The following BBOX1 variants were observed in gnomAD, a reference collection of about 807,000 sequenced individuals.
The protein encoded by BBOX1 is gamma-butyrobetaine hydroxylase 1, also known as gamma-butyrobetaine dioxygenase.
In BBOX1, 35 loss-of-function variants were observed where a neutral mutation model predicts 41.6. The ratio of observed to expected loss-of-function variants is 0.84; its 90% CI spans 0.64 to 1.11. BBOX1 has a LOEUF of 1.11. Among genes scored for constraint, BBOX1 ranks in the 50% most tolerant of loss-of-function variants. The pLI is 0.00. For missense variants in BBOX1, 458 were observed against 460.6 expected, an observed-to-expected ratio of 0.99 and a Z score of 0.05; for synonymous variants, 163 against 154.7, an observed-to-expected ratio of 1.05 and a Z score of -0.40.
At chr11:27,110,774 C>CTGTA (rs1859032499) in intron 5 of BBOX1, among the ~76,000 whole-genome samples, 1 of 151,864 alleles carries the variant, frequency 6.6e-6, no homozygotes, top group South Asian at 2.1e-4. Context: ...TTGTTCCCTG[C>CTGTA]TGTATCTCTG....
chr11:27,084,268 G>A (rs1409108209), intron 4 of BBOX1, among the ~76,000 whole-genome samples: 3 of 152,114 alleles, frequency 2.0e-5, no homozygotes, highest in Non-Finnish European at 4.4e-5. Flanking sequence ...ATTACAACAC[G>A]TTCCAGAGGT....
Position 27,102,593 on chromosome 11 carries a change from C to T in BBOX1, c.533+9227C>T, listed in dbSNP as rs532025373. ...TTACTACTGCAGTTTGATTCTTCTACTTTTCAGTTTTTCAATATCTTTTTT... is the reference window on the plus strand; with the variant it reads ...TTACTACTGCAGTTTGATTCTTCTATTTTTCAGTTTTTCAATATCTTTTTT... On this transcript the variant is annotated intron_variant, in intron 5 of 8. Coordinates refer to ENST00000263182, the MANE Select transcript of BBOX1 (RefSeq NM_003986.3). 7.2e-5 allele frequency among the ~76,000 whole-genome samples: 11 copies of T among 152,056 alleles called. No homozygotes were observed. In the South Asian group the frequency reaches 2.1e-3, roughly 29 times the overall value.
intron 2 of BBOX1, among the ~76,000 whole-genome samples, chr11:27,046,917 A>AGTGTT (rs1851502262): frequency 9.5e-4 from 1 of 1,050 alleles, no homozygotes; most frequent in African/African-American, 3.3e-3. Flanking sequence ...GATGATCTGC[A>AGTGTT]ATTTTTTTTT....
chr11:27,082,957 A>G (rs1857903232), intron 4 of BBOX1, among the ~76,000 whole-genome samples: 2 of 152,070 alleles, frequency 1.3e-5, no homozygotes, highest in South Asian at 2.1e-4. Context: ...CATTCTGGTC[A>G]TAGGACTGAG....
At chr11:27,047,675 T>C (rs1287568443) in intron 2 of BBOX1, among the ~76,000 whole-genome samples, 2 of 152,202 alleles carry the variant, frequency 1.3e-5, no homozygotes, top group Non-Finnish European at 2.9e-5. Flanking sequence ...AATGGTCTTA[T>C]TCCTACAAGA....
In BBOX1 at chr11:27,117,406, G is replaced by C. The variant is rs147544348; in HGVS notation, c.639+1849G>C. Among the ~76,000 whole-genome samples, 1,306 of 151,892 alleles carry C rather than the reference G, an allele frequency of 8.6e-3. 11 individuals carry two copies. Among genetic ancestry groups the C allele is most frequent in the Non-Finnish European group, 0.012 (833 of 67,916 alleles). ...TTGTAAAATACCACATGATTTCTTT[G>C]AACTAAGTGGCAGTAAAATGACCCC... On this transcript the variant is annotated intron_variant, in intron 6 of 8. Transcript: ENST00000263182.
At chr11:27,102,269 A>G (rs149908457) in intron 5 of BBOX1, among the ~76,000 whole-genome samples, 1 of 152,112 alleles carries the variant, frequency 6.6e-6, no homozygotes, top group African/African-American at 2.4e-5. Flanking sequence ...AAGCTGTTAC[A>G]TTTGGGGAGA....
At chr11:27,105,550 GT>G (rs1858835586) in intron 5 of BBOX1, among the ~76,000 whole-genome samples, 1 of 152,078 alleles carries the variant, frequency 6.6e-6, no homozygotes, top group African/African-American at 2.4e-5. Context: ...AGAAAAAAGA[GT>G]AAAAAGAAAC....
At chr11:27,072,751 C>T (rs1857496651) in intron 4 of BBOX1, among the ~76,000 whole-genome samples, 1 of 152,096 alleles carries the variant, frequency 6.6e-6, no homozygotes, top group African/African-American at 2.4e-5. Flanking sequence ...GAACAGAGAC[C>T]TCAGAAATAA....
At chr11:27,048,749 CTTTT>C (rs35376713) in intron 2 of BBOX1, among the ~76,000 whole-genome samples, 2 of 133,002 alleles carry the variant, frequency 1.5e-5, no homozygotes, top group Non-Finnish European at 3.2e-5. Flanking sequence ...AATGGTAGTT[CTTTT>C]TTTTTTTTTT....
intron 5 of BBOX1, among the ~76,000 whole-genome samples, chr11:27,098,366 A>G (rs1223400661): frequency 6.6e-6 from 1 of 151,916 alleles, no homozygotes; most frequent in African/African-American, 2.4e-5. Context: ...TATGCTCCTC[A>G]CTCAAATGAA....
At position 27,127,434 on chromosome 11, in the gene BBOX1, G is replaced by A; in HGVS notation, c.1145G>A (p.Arg382Lys). The change falls in exon 9 of 9, where the codon AGG becomes AAG. Residue 382 changes from arginine to lysine, a missense_variant. Transcript: ENST00000263182. Reference protein sequence around the residue: ...VMSRLRILRQRVENGN With the variant: ...VMSRLRILRQKVENGN Reference sequence around the variant, plus strand: ...TCAAGGCTTCGTATCTTAAGGCAGAGGGTGGAGAATGGAAACTGAAGTCAC... The same window carrying A: ...TCAAGGCTTCGTATCTTAAGGCAGAAGGTGGAGAATGGAAACTGAAGTCAC... The A allele has an allele frequency of 6.2e-7, 1 of 1,606,834 alleles. No homozygotes were observed.
In BBOX1 at chr11:27,078,187, A is replaced by C. The variant is rs190946359; in HGVS notation, c.335-14981A>C. Among the ~76,000 whole-genome samples the C allele has an allele frequency of 6.4e-4, 98 of 152,246 alleles. No homozygotes were observed. The Middle Eastern group carries it at 0.01, about 16-fold the overall frequency. ...AGACCTTCATCAATTATTCCACCCT[A>C]TATTTATGTTTATCCCTAAACCAAG... On this transcript the variant is annotated intron_variant, in intron 4 of 8. Transcript: ENST00000263182.
In BBOX1 at chr11:27,115,526, C is replaced by G. The variant is rs373922392; in HGVS notation, c.608C>G (p.Thr203Ser). 9.9e-6 allele frequency: 16 copies of G among 1,610,914 alleles called. No homozygotes were observed. The highest frequency in any genetic ancestry group is 2.7e-5 in the African/African-American group (2 of 74,656). ...ACAACTGGGAAGCTAAGCTTTCACA[C>G]TGATTATCCAGCCCTCCATCATCCA... ...AYTTGKLSFH[T>S]DYPALHHPPG... Residue 203 changes from threonine to serine, a missense_variant, in exon 6 of 9, where the codon ACT becomes AGT. Thr to Ser is a moderately conservative substitution (Grantham distance 58). Coordinates refer to ENST00000263182, the MANE Select transcript of BBOX1 (RefSeq NM_003986.3).
intron 5 of BBOX1, among the ~76,000 whole-genome samples, chr11:27,101,985 T>C (rs1344110287): frequency 6.6e-6 from 1 of 152,060 alleles, no homozygotes; most frequent in East Asian, 1.9e-4. Flanking sequence ...TTGACAAGTA[T>C]CTCCCCTTTT....
At chr11:27,059,637 GC>G (rs1408288392) in intron 4 of BBOX1, among the ~76,000 whole-genome samples, 1 of 152,212 alleles carries the variant, frequency 6.6e-6, no homozygotes, top group African/African-American at 2.4e-5. Context: ...AGCCTCTGGA[GC>G]CGAACTTTGC....
chr11:27,095,594 C>T (rs1422051998), intron 5 of BBOX1, among the ~76,000 whole-genome samples: 2 of 151,952 alleles, frequency 1.3e-5, no homozygotes, highest in Non-Finnish European at 2.9e-5. Context: ...ACCTGAATCT[C>T]TCAAATTATG....
At chr11:27,073,712 C>T (rs1314342508) in intron 4 of BBOX1, among the ~76,000 whole-genome samples, 1 of 152,102 alleles carries the variant, frequency 6.6e-6, no homozygotes, top group Non-Finnish European at 1.5e-5. Context: ...CACATATACA[C>T]CATGGAATAC....
At chr11:27,117,097 T>C (rs1480941764) in intron 6 of BBOX1, among the ~76,000 whole-genome samples, 1 of 152,000 alleles carries the variant, frequency 6.6e-6, no homozygotes, top group Non-Finnish European at 1.5e-5. Context: ...AATAAGTGGT[T>C]AGGAAACTAC....
Sources: gnomAD v4.1 joint callset for allele counts (sites outside exome capture counted in the v4.1 genomes callset) on GRCh38, gnomAD v4.1.1 for gene constraint, MANE v1.5 for transcripts, NCBI Gene and HGNC (gene_info 2026-07-23, HGNC 2026-07-21) for gene names.